ADAMTS6: variants seen among roughly 807,000 people sequenced by gnomAD.
ADAMTS6 encodes ADAM metallopeptidase with thrombospondin type 1 motif 6.
ADAMTS6 carries 23 observed loss-of-function variants against 144.3 expected under a neutral mutation model. The ratio of observed to expected loss-of-function variants is 0.16; its 90% CI spans 0.11 to 0.23. ADAMTS6 has a LOEUF of 0.23. Ranked by LOEUF, ADAMTS6 falls within the 10% of genes least tolerant of loss-of-function variation. ADAMTS6 has a pLI of 1.00. For missense variants in ADAMTS6, 999 were observed against 1,379.6 expected (o/e 0.72, Z 4.37); for synonymous variants, 444 against 457.5 (o/e 0.97, Z 0.38).
intron 14 of ADAMTS6, among the ~76,000 whole-genome samples, chr5:65,250,651 G>A (rs1760077015): frequency 1.3e-5 from 2 of 152,228 alleles, no homozygotes; most frequent in East Asian, 1.9e-4. Context: ...AGAATAATGT[G>A]CCTTTCCATC....
At chr5:65,187,371 C>G (rs927170183) in intron 22 of ADAMTS6, among the ~76,000 whole-genome samples, 7 of 152,106 alleles carry the variant, frequency 4.6e-5, no homozygotes, top group African/African-American at 1.4e-4. Flanking sequence ...AAAACATTAT[C>G]TTGGTCAGGT....
At chr5:65,404,700 A>C (rs1183487432) in intron 7 of ADAMTS6, among the ~76,000 whole-genome samples, 1 of 152,204 alleles carries the variant, frequency 6.6e-6, no homozygotes, top group African/African-American at 2.4e-5. Context: ...TTCTAGTCCT[A>C]GATCCTTGAG....
intron 7 of ADAMTS6, among the ~76,000 whole-genome samples, chr5:65,398,731 G>A (rs1753570662): frequency 6.7e-6 from 1 of 150,010 alleles, no homozygotes; most frequent in African/African-American, 2.5e-5. Context: ...AAGAGAGAGA[G>A]AGAGAAAGAG....
chr5:65,244,264 A>G (rs1759445733), intron 14 of ADAMTS6, among the ~76,000 whole-genome samples: 1 of 152,114 alleles, frequency 6.6e-6, no homozygotes. Context: ...GCTAGATGAA[A>G]GAGATGAACT....
At chr5:65,339,455 C>CAAAAAAAAAAAAAAAAAAAAAA (rs538468970) in intron 7 of ADAMTS6, among the ~76,000 whole-genome samples, 1 of 108,670 alleles carries the variant, frequency 9.2e-6, no homozygotes, top group Admixed American at 9.7e-5. Flanking sequence ...ATAAAAAAAG[C>CAAAAAAAAAAAAAAAAAAAAAA]AAAAAAAAAA....
intron 4 of ADAMTS6, among the ~76,000 whole-genome samples, chr5:65,458,667 C>T (rs1759410497): frequency 6.6e-6 from 1 of 152,212 alleles, no homozygotes; most frequent in Non-Finnish European, 1.5e-5. Flanking sequence ...GCCTCGGCCT[C>T]CCAAAGTGCT....
chr5:65,214,653 T>C lies in ADAMTS6; in HGVS notation c.2575+141A>G, dbSNP rs763680256. 2 of 1,202,796 alleles carry C rather than the reference T, an allele frequency of 1.7e-6. No homozygotes were observed. Among genetic ancestry groups the C allele is most frequent in the South Asian group, 2.6e-5 (2 of 77,224 alleles). The allele number at this position is 1,202,796 out of a possible 1,614,324, so 74.5% of individuals were successfully genotyped here. ...GGAATATAATATAATTAAAGCAAAG[T>C]TTCTTTTGCTAAATTACAGCTTGAA... is the stretch of plus-strand genomic sequence containing the variant. On this transcript the variant is annotated intron_variant, in intron 20 of 24. Transcript: ENST00000381055. This position sits in a 1 kb window ranked among gnomAD's most constrained non-coding sequence, Gnocchi z 4.6.
chr5:65,398,807 AG>A (rs1554083202), intron 7 of ADAMTS6, among the ~76,000 whole-genome samples: 2 of 96,686 alleles, frequency 2.1e-5, no homozygotes, highest in Non-Finnish European at 2.2e-5. Flanking sequence ...AAAGAAAGAA[AG>A]AAAGAAAGAA....
intron 24 of ADAMTS6, among the ~76,000 whole-genome samples, chr5:65,161,284 C>T (rs933738659): frequency 1.3e-5 from 2 of 152,082 alleles, no homozygotes; most frequent in Admixed American, 1.3e-4. Flanking sequence ...GCAATCCTCT[C>T]CCCTTGGCCT....
At chr5:65,356,518 C>G (rs753737435) in intron 7 of ADAMTS6, among the ~76,000 whole-genome samples, 7 of 151,846 alleles carry the variant, frequency 4.6e-5, no homozygotes, top group Non-Finnish European at 7.4e-5. Context: ...CAGGAACAGC[C>G]AAACAAGAGG....
intron 21 of ADAMTS6, among the ~76,000 whole-genome samples, chr5:65,191,363 AT>A: frequency 6.6e-6 from 1 of 152,260 alleles, no homozygotes; most frequent in East Asian, 1.9e-4. Context: ...AAACCAGAAT[AT>A]TTTTGAAGAA....
chr5:65,309,609 C>G (rs1314509871), intron 9 of ADAMTS6, among the ~76,000 whole-genome samples: 1 of 152,018 alleles, frequency 6.6e-6, no homozygotes, highest in Non-Finnish European at 1.5e-5. Flanking sequence ...CACACACACA[C>G]ACACACACAG....
intron 1 of ADAMTS6, among the ~76,000 whole-genome samples, chr5:65,476,892 C>G (rs1310213928): frequency 6.6e-6 from 1 of 152,136 alleles, no homozygotes; most frequent in Non-Finnish European, 1.5e-5. Flanking sequence ...GGATTCCAGG[C>G]GTGAGCCACT....
At chr5:65,414,370 C>T (rs544483774) in intron 7 of ADAMTS6, among the ~76,000 whole-genome samples, 9 of 151,914 alleles carry the variant, frequency 5.9e-5, no homozygotes, top group African/African-American at 1.7e-4. Context: ...AATTTGTGTG[C>T]TTTTCACTTG....
chr5:65,340,228 A>C (rs1185876104), intron 7 of ADAMTS6, among the ~76,000 whole-genome samples: 2 of 152,020 alleles, frequency 1.3e-5, no homozygotes, highest in Non-Finnish European at 2.9e-5. Context: ...TATTTAAAGC[A>C]CTGAAAGAAA....
At chr5:65,414,944 A>T (rs940529687) in intron 7 of ADAMTS6, among the ~76,000 whole-genome samples, 2 of 152,212 alleles carry the variant, frequency 1.3e-5, no homozygotes, top group Admixed American at 1.3e-4. Context: ...CTGAGATATG[A>T]CACTAAAGGC....
intron 13 of ADAMTS6, among the ~76,000 whole-genome samples, chr5:65,261,991 A>C (rs1041038301): frequency 6.6e-6 from 1 of 152,182 alleles, no homozygotes; most frequent in African/African-American, 2.4e-5. Context: ...ATTCTCCATC[A>C]AATACTAGCT....
At chr5:65,162,660 C>CA (rs1554040008) in intron 24 of ADAMTS6, among the ~76,000 whole-genome samples, 6 of 148,308 alleles carry the variant, frequency 4.0e-5, no homozygotes, top group Non-Finnish European at 9.0e-5. Context: ...CACACACACA[C>CA]TTGCAGAGAG....
At chr5:65,476,556 A>C (rs1760851629) in intron 1 of ADAMTS6, among the ~76,000 whole-genome samples, 1 of 152,200 alleles carries the variant, frequency 6.6e-6, no homozygotes, top group Non-Finnish European at 1.5e-5. Flanking sequence ...CTTCCAGTTT[A>C]AGGCACTCAA....
Sources: gnomAD v4.1 joint callset for allele counts (sites outside exome capture counted in the v4.1 genomes callset) on GRCh38, gnomAD v4.1.1 for gene constraint, Gnocchi (gnomAD v3.1) non-coding constraint, MANE v1.5 for transcripts, NCBI Gene and HGNC (gene_info 2026-07-23, HGNC 2026-07-21) for gene names.